Variants in CRPPA observed in about 807,000 individuals in gnomAD.
CRPPA encodes the protein D-ribitol-5-phosphate cytidylyltransferase.
A neutral mutation model predicts 52.0 loss-of-function variants in CRPPA; 43 were observed. The observed-to-expected ratio is 0.83, with a 90% CI of 0.65 to 1.07. The LOEUF (loss-of-function observed/expected upper bound fraction) is 1.07, where lower values mean the gene tolerates loss of function less well. Among genes scored for constraint, CRPPA ranks in the 50% least tolerant of loss-of-function variants. CRPPA has a pLI of 0.00. For missense variants in CRPPA, 629 were observed against 551.7 expected (o/e 1.14, Z -1.40); for synonymous variants, 250 against 203.5 (o/e 1.23, Z -1.94).
chr7:16,403,168 T>G (rs1220947293), intron 2 of CRPPA, among the ~76,000 whole-genome samples: 2 of 152,154 alleles, frequency 1.3e-5, no homozygotes. Context: ...ACTTAGAATT[T>G]TATACCCAGA....
chr7:16,242,074 T>C (rs1390661654), intron 8 of CRPPA, among the ~76,000 whole-genome samples: 1 of 149,764 alleles, frequency 6.7e-6, no homozygotes, highest in Non-Finnish European at 1.5e-5. Context: ...CTCCGCCTTC[T>C]GAGTAGCTGG....
chr7:16,103,640 T>C lies in CRPPA; in HGVS notation c.1252-11841A>G, dbSNP rs535220048. ...TCTAAGAAGTAAGTGTAAGGGACAC[T>C]GATAAATCTATACTAACACACCCAA... On this transcript the variant is annotated intron_variant, in intron 9 of 9. Transcript: ENST00000407010. Among the ~76,000 whole-genome samples, 9 of 152,290 alleles carry C rather than the reference T, an allele frequency of 5.9e-5. No individual in the cohort carries two copies. The South Asian group carries it at 1.9e-3, about 32-fold the overall frequency.
chr7:16,099,153 T>C (rs990428283), intron 9 of CRPPA, among the ~76,000 whole-genome samples: 1 of 151,490 alleles, frequency 6.6e-6, no homozygotes, highest in African/African-American at 2.4e-5. Context: ...CGAAGGTGGC[T>C]GAGTGGGGAG....
chr7:16,353,737 C>A (rs1786220075), intron 3 of CRPPA, among the ~76,000 whole-genome samples: 1 of 151,826 alleles, frequency 6.6e-6, no homozygotes, highest in African/African-American at 2.4e-5. Context: ...GTAATCCCAG[C>A]TACTCAGGAG....
At chr7:16,095,240 T>C (rs1409213049) in intron 9 of CRPPA, among the ~76,000 whole-genome samples, 1 of 152,356 alleles carries the variant, frequency 6.6e-6, no homozygotes, top group South Asian at 2.1e-4. Flanking sequence ...GGACCATTTA[T>C]ATATTCCTTG....
At position 16,338,888 on chromosome 7, in the gene CRPPA, T is replaced by C. The variant is rs1053034216; in HGVS notation, c.685-30261A>G. 2.7e-5 allele frequency among the ~76,000 whole-genome samples: 4 copies of C among 148,404 alleles called. No homozygotes were observed. The Admixed American group carries it at 2.7e-4, about 10-fold the overall frequency. ...TGGAGTGCAGTGGCATGATCTCGGC[T>C]CACTGCAAGCTCTGCCTCACAGGTT... is the stretch of plus-strand genomic sequence containing the variant. On this transcript the variant is annotated intron_variant, in intron 3 of 9. Transcript: ENST00000407010.
chr7:16,161,120 C>A (rs1412604585), intron 9 of CRPPA, among the ~76,000 whole-genome samples: 1 of 152,132 alleles, frequency 6.6e-6, no homozygotes, highest in Non-Finnish European at 1.5e-5. Context: ...ACAATCATGT[C>A]ATCTACAAAC....
At chr7:16,108,313 G>A (rs1307421726) in intron 9 of CRPPA, among the ~76,000 whole-genome samples, 1 of 151,788 alleles carries the variant, frequency 6.6e-6, no homozygotes, top group Non-Finnish European at 1.5e-5. Context: ...CCAAAAGATA[G>A]CAACAGTAGC....
intron 9 of CRPPA, among the ~76,000 whole-genome samples, chr7:16,189,071 C>G (rs1388215050): frequency 2.0e-5 from 3 of 152,130 alleles, no homozygotes; most frequent in Admixed American, 6.5e-5. Context: ...TCTCTGAAGA[C>G]TCTGGTAGAT....
chr7:16,175,282 AAATATT>A (rs958482613), intron 9 of CRPPA, among the ~76,000 whole-genome samples: 25 of 152,322 alleles, frequency 1.6e-4, no homozygotes, highest in African/African-American at 2.9e-4. Flanking sequence ...AAAATAAGCA[AAATATT>A]AATATTAACT....
At chr7:16,399,655 G>A (rs761278487) in intron 2 of CRPPA, among the ~76,000 whole-genome samples, 6 of 151,920 alleles carry the variant, frequency 3.9e-5, no homozygotes, top group African/African-American at 7.3e-5. Context: ...TGTAATCAAC[G>A]TGTGACACGT....
At chr7:16,302,295 C>CA (rs34666735) in intron 4 of CRPPA, among the ~76,000 whole-genome samples, 13,125 of 53,266 alleles carry the variant, frequency 0.25, 3,637 homozygotes, top group Middle Eastern at 0.36. Flanking sequence ...GACTCTGTCT[C>CA]AAAAAAAAAA....
At chr7:16,362,169 T>C (rs958523380) in intron 3 of CRPPA, among the ~76,000 whole-genome samples, 1 of 152,234 alleles carries the variant, frequency 6.6e-6, no homozygotes, top group African/African-American at 2.4e-5. Context: ...AATAACTTTT[T>C]AAAAGAGTGC....
chr7:16,419,436 C>A (rs559388006), intron 1 of CRPPA, among the ~76,000 whole-genome samples: 5 of 152,290 alleles, frequency 3.3e-5, no homozygotes, highest in African/African-American at 7.2e-5. Context: ...TTGATAATAG[C>A]CCTTTCCCAA....
intron 2 of CRPPA, among the ~76,000 whole-genome samples, chr7:16,401,326 C>G (rs150186360): frequency 6.6e-5 from 10 of 152,264 alleles, no homozygotes; most frequent in African/African-American, 2.4e-4. Flanking sequence ...GACTGAAATG[C>G]ACTTTTAATA....
intron 3 of CRPPA, among the ~76,000 whole-genome samples, chr7:16,364,600 G>A (rs1319804716): frequency 6.6e-6 from 1 of 152,214 alleles, no homozygotes; most frequent in African/African-American, 2.4e-5. Flanking sequence ...TGATACAGAT[G>A]TGATAGGTAA....
intron 9 of CRPPA, among the ~76,000 whole-genome samples, chr7:16,176,183 T>G (rs891782217): frequency 6.6e-6 from 1 of 152,136 alleles, no homozygotes; most frequent in Admixed American, 6.5e-5. Context: ...AGAATATGGT[T>G]CCAACTATCT....
At chr7:16,387,723 C>T (rs757271686) in intron 2 of CRPPA, among the ~76,000 whole-genome samples, 4 of 152,054 alleles carry the variant, frequency 2.6e-5, no homozygotes, top group Non-Finnish European at 4.4e-5. Context: ...ATTCTACTTT[C>T]GATAGTGGCT....
At chr7:16,393,105 G>A (rs745397266) in intron 2 of CRPPA, among the ~76,000 whole-genome samples, 17 of 152,114 alleles carry the variant, frequency 1.1e-4, no homozygotes, top group Non-Finnish European at 2.5e-4. Flanking sequence ...AATATTGGGG[G>A]TGGAGAGCCC....
Sources: gnomAD v4.1 joint callset for allele counts (sites outside exome capture counted in the v4.1 genomes callset) on GRCh38, gnomAD v4.1.1 for gene constraint, MANE v1.5 for transcripts, NCBI Gene and HGNC (gene_info 2026-07-23, HGNC 2026-07-21) for gene names.